STPG2: variants seen among roughly 807,000 people sequenced by gnomAD.
STPG2 encodes the protein sperm-tail PG-rich repeat-containing protein 2.
Under a neutral mutation model 54.2 loss-of-function variants are expected in STPG2, and 56 were observed. The observed-to-expected ratio is 1.03, with a 90% CI of 0.83 to 1.29. The LOEUF (loss-of-function observed/expected upper bound fraction) is 1.29. STPG2 is among the 50% of genes most tolerant of loss of function. The probability of loss-of-function intolerance (pLI) is 0.00; values close to 1 mark genes in which losing one functional copy is unlikely to be tolerated. For missense variants in STPG2, 596 were observed against 544.9 expected (o/e 1.09, Z -0.93); for synonymous variants, 200 against 181.8 (o/e 1.10, Z -0.81).
At chr4:97,850,569 G>T (rs141291703) in intron 8 of STPG2, among the ~76,000 whole-genome samples, 1 of 151,000 alleles carries the variant, frequency 6.6e-6, no homozygotes, top group African/African-American at 2.4e-5. Context: ...GTATATGCAC[G>T]TCATTATTTA....
chr4:97,806,793 T>C (rs573584493), intron 9 of STPG2, among the ~76,000 whole-genome samples: 3 of 152,310 alleles, frequency 2.0e-5, no homozygotes, highest in African/African-American at 7.2e-5. Flanking sequence ...TTCTTTATGC[T>C]CTTCTTAAGA....
intron 4 of STPG2, among the ~76,000 whole-genome samples, chr4:97,516,084 A>T (rs535672602): frequency 1.3e-5 from 2 of 152,210 alleles, no homozygotes; most frequent in South Asian, 4.1e-4. Flanking sequence ...GCACACAGGG[A>T]AATTTCAAAG....
intron 5 of STPG2, among the ~76,000 whole-genome samples, chr4:98,060,764 C>A (rs1317595249): frequency 6.6e-6 from 1 of 152,016 alleles, no homozygotes; most frequent in Non-Finnish European, 1.5e-5. Flanking sequence ...TCAGACTCCA[C>A]CACCTAAAAC....
chr4:97,821,630 G>GTT (rs1231625796), intron 9 of STPG2, among the ~76,000 whole-genome samples: 3 of 152,198 alleles, frequency 2.0e-5, no homozygotes, highest in Non-Finnish European at 4.4e-5. Context: ...GGGCACCCAG[G>GTT]TTTTCTCATA....
chr4:98,121,741 G>A (rs1739686376), intron 3 of STPG2, among the ~76,000 whole-genome samples: 1 of 151,862 alleles, frequency 6.6e-6, no homozygotes, highest in African/African-American at 2.4e-5. Context: ...GTGTGTGTGT[G>A]TGACAGAGTC....
chr4:97,943,572 T>C (rs1364852033), intron 8 of STPG2, among the ~76,000 whole-genome samples: 1 of 152,158 alleles, frequency 6.6e-6, no homozygotes, highest in East Asian at 1.9e-4. Context: ...ACATTTGCAC[T>C]ATGAGTAAAA....
intron 10 of STPG2, among the ~76,000 whole-genome samples, chr4:97,577,217 C>G (rs1560669384): frequency 6.6e-6 from 1 of 152,296 alleles, no homozygotes; most frequent in Middle Eastern, 3.4e-3. Context: ...AACTGCCATT[C>G]AACCTAGCAG....
chr4:97,690,521 A>T (rs1293827349), intron 10 of STPG2, among the ~76,000 whole-genome samples: 1 of 152,112 alleles, frequency 6.6e-6, no homozygotes, highest in Non-Finnish European at 1.5e-5. Flanking sequence ...GATTATACAA[A>T]CTGATAGGGA....
chr4:97,860,640 G>C (rs1349253200), intron 8 of STPG2, among the ~76,000 whole-genome samples: 1 of 151,982 alleles, frequency 6.6e-6, no homozygotes, highest in African/African-American at 2.4e-5. Context: ...ATACTGAAAT[G>C]TTACTGAATT....
chr4:98,130,254 C>A (rs1233841516), intron 2 of STPG2, among the ~76,000 whole-genome samples: 2 of 151,992 alleles, frequency 1.3e-5, no homozygotes, highest in African/African-American at 2.4e-5. Flanking sequence ...TGGCTCACTG[C>A]AACCTCTGCC....
chr4:97,780,843 A>C (rs1726577596), intron 9 of STPG2, among the ~76,000 whole-genome samples: 1 of 152,136 alleles, frequency 6.6e-6, no homozygotes, highest in Non-Finnish European at 1.5e-5. Flanking sequence ...TGGGTACATA[A>C]GGAAATGAAG....
chr4:97,705,931 A>T (rs1295675246), intron 10 of STPG2, among the ~76,000 whole-genome samples: 3 of 151,976 alleles, frequency 2.0e-5, no homozygotes, highest in African/African-American at 7.3e-5. Flanking sequence ...AATAACTATA[A>T]CATACAGTCC....
intron 9 of STPG2, among the ~76,000 whole-genome samples, chr4:97,792,021 C>A (rs1004855327): frequency 6.6e-6 from 1 of 151,316 alleles, no homozygotes; most frequent in Admixed American, 6.6e-5. Context: ...AGAGAAAAGA[C>A]AAATCACCTG....
intron 5 of STPG2, among the ~76,000 whole-genome samples, chr4:98,000,141 C>T (rs974775705): frequency 6.6e-6 from 1 of 152,064 alleles, no homozygotes; most frequent in Non-Finnish European, 1.5e-5. Context: ...TTCCAGCTAA[C>T]ATCTAGATTG....
At chr4:97,857,663 C>A (rs1299460353) in intron 8 of STPG2, among the ~76,000 whole-genome samples, 2 of 151,574 alleles carry the variant, frequency 1.3e-5, no homozygotes, top group African/African-American at 4.9e-5. Context: ...CAATTATGCT[C>A]TGATAAAAGA....
chr4:97,500,692 A>G (rs1730705451), intron 4 of STPG2, among the ~76,000 whole-genome samples: 1 of 152,074 alleles, frequency 6.6e-6, no homozygotes, highest in Non-Finnish European at 1.5e-5. Flanking sequence ...AGATGACTCA[A>G]GTAAGAATGA....
At chr4:97,674,560 T>C (rs1722785151) in intron 10 of STPG2, among the ~76,000 whole-genome samples, 1 of 152,138 alleles carries the variant, frequency 6.6e-6, no homozygotes, top group South Asian at 2.1e-4. Flanking sequence ...TAAAAAAAGA[T>C]GGTGCTGAAT....
At chr4:97,464,153 C>T (rs1464254335) in intron 4 of STPG2, among the ~76,000 whole-genome samples, 1 of 151,976 alleles carries the variant, frequency 6.6e-6, no homozygotes, top group Non-Finnish European at 1.5e-5. Flanking sequence ...TTGGATTGTA[C>T]AGTAAAGCTA....
intron 10 of STPG2, among the ~76,000 whole-genome samples, chr4:97,568,643 T>C (rs1273629411): frequency 6.6e-6 from 1 of 151,782 alleles, no homozygotes; most frequent in Admixed American, 6.6e-5. Flanking sequence ...CAATAGATAA[T>C]AATAATTAAA....
Sources: gnomAD v4.1 joint callset for allele counts (sites outside exome capture counted in the v4.1 genomes callset) on GRCh38, gnomAD v4.1.1 for gene constraint, MANE v1.5 for transcripts, NCBI Gene and HGNC (gene_info 2026-07-23, HGNC 2026-07-21) for gene names.